SGCZ: variants seen among roughly 807,000 people sequenced by gnomAD.
The protein encoded by SGCZ is zeta-sarcoglycan.
A neutral mutation model predicts 41.3 loss-of-function variants in SGCZ; 40 were observed. The ratio of observed to expected loss-of-function variants is 0.97; its 90% CI spans 0.75 to 1.26. The LOEUF (loss-of-function observed/expected upper bound fraction) is 1.26, where lower values mean the gene tolerates loss of function less well. Among genes scored for constraint, SGCZ ranks in the 50% most tolerant of loss-of-function variants. The probability of loss-of-function intolerance (pLI) is 0.00; values close to 1 mark genes in which losing one functional copy is unlikely to be tolerated. For synonymous variants in SGCZ, 206 were observed against 137.5 expected (o/e 1.50, Z -3.49); for missense variants, 552 against 369.8 (o/e 1.49, Z -4.04).
intron 1 of SGCZ, among the ~76,000 whole-genome samples, chr8:15,229,382 G>A (rs761041923): frequency 2.6e-5 from 4 of 152,110 alleles, no homozygotes; most frequent in Non-Finnish European, 5.9e-5. Context: ...AAAATATTAT[G>A]AGGCTAGGAA....
intron 1 of SGCZ, among the ~76,000 whole-genome samples, chr8:14,872,355 T>C (rs769696567): frequency 1.1e-4 from 16 of 152,132 alleles, no homozygotes; most frequent in Non-Finnish European, 7.4e-5. Context: ...TATCTGTTAC[T>C]TTTCTATTGT....
At chr8:14,633,647 T>C (rs1271502547) in intron 1 of SGCZ, among the ~76,000 whole-genome samples, 1 of 151,814 alleles carries the variant, frequency 6.6e-6, no homozygotes, top group Non-Finnish European at 1.5e-5. Context: ...AGGGAAGTCA[T>C]AACAGATCTT....
chr8:15,047,637 A>T (rs868507820), intron 1 of SGCZ, among the ~76,000 whole-genome samples: 2 of 152,062 alleles, frequency 1.3e-5, no homozygotes, highest in South Asian at 4.1e-4. Flanking sequence ...CAAGGATCTC[A>T]TAATCTATGC....
intron 1 of SGCZ, among the ~76,000 whole-genome samples, chr8:14,708,376 T>C (rs865941147): frequency 6.6e-6 from 1 of 151,980 alleles, no homozygotes; most frequent in Non-Finnish European, 1.5e-5. Context: ...GATTTAATCA[T>C]TAAAACCAAT....
intron 2 of SGCZ, among the ~76,000 whole-genome samples, chr8:14,440,716 CGTATACACGT>C (rs770913285): frequency 1.8e-5 from 1 of 55,120 alleles, no homozygotes; most frequent in Non-Finnish European, 4.4e-5. Flanking sequence ...TATATACATA[CGTATACACGT>C]ATATGTATAT....
chr8:14,226,027 T>G (rs1324338039), intron 4 of SGCZ, among the ~76,000 whole-genome samples: 1 of 152,040 alleles, frequency 6.6e-6, no homozygotes, highest in Non-Finnish European at 1.5e-5. Context: ...GACGATGGTA[T>G]AAGTGATATT....
chr8:14,317,832 A>T (rs1317448338), intron 3 of SGCZ, among the ~76,000 whole-genome samples: 3 of 151,972 alleles, frequency 2.0e-5, no homozygotes, highest in Non-Finnish European at 4.4e-5. Flanking sequence ...CCAAAAATTA[A>T]ATGTAACCAT....
chr8:14,304,318 G>T (rs904513427), intron 3 of SGCZ, among the ~76,000 whole-genome samples: 3 of 151,966 alleles, frequency 2.0e-5, no homozygotes, highest in Non-Finnish European at 4.4e-5. Flanking sequence ...AAAAGGCCAG[G>T]TGTGGTGGTG....
intron 1 of SGCZ, among the ~76,000 whole-genome samples, chr8:14,738,006 C>T (rs764135173): frequency 2.6e-5 from 4 of 151,942 alleles, no homozygotes; most frequent in Admixed American, 6.6e-5. Context: ...AAATAATGAT[C>T]CCAAGTTCAC....
At chr8:14,147,794 G>A (rs1039904403) in intron 5 of SGCZ, among the ~76,000 whole-genome samples, 1 of 152,084 alleles carries the variant, frequency 6.6e-6, no homozygotes, top group South Asian at 2.1e-4. Context: ...ATCAGGGATA[G>A]ACTATATGTT....
At chr8:14,312,380 T>C (rs1225107250) in intron 3 of SGCZ, among the ~76,000 whole-genome samples, 2 of 152,212 alleles carry the variant, frequency 1.3e-5, no homozygotes, top group East Asian at 1.9e-4. Flanking sequence ...GGATTCTATA[T>C]AGCAGTAGTC....
At chr8:15,186,139 G>A (rs1585652218) in intron 1 of SGCZ, among the ~76,000 whole-genome samples, 1 of 150,682 alleles carries the variant, frequency 6.6e-6, no homozygotes, top group East Asian at 1.9e-4. Context: ...GAGGGCGCCT[G>A]TAGTCCCAGC....
Position 14,598,273 on chromosome 8 carries a change from A to G in SGCZ, c.40-43347T>C, listed in dbSNP as rs1268856290. On this transcript the variant is annotated intron_variant, in intron 1 of 7. Coordinates refer to ENST00000382080, the MANE Select transcript of SGCZ (RefSeq NM_139167.4). ...ATGGCCTCTTTGAGTATCTCAATCAATCTAATTATATTTGAATTTAATGTT... is the reference window on the plus strand; with the variant it reads ...ATGGCCTCTTTGAGTATCTCAATCAGTCTAATTATATTTGAATTTAATGTT... 2.6e-5 allele frequency among the ~76,000 whole-genome samples: 4 copies of G among 151,924 alleles called. No individual in the cohort carries two copies. The East Asian group carries it at 5.8e-4, about 22-fold the overall frequency.
At chr8:15,210,065 A>G (rs1323879439) in intron 1 of SGCZ, among the ~76,000 whole-genome samples, 1 of 152,146 alleles carries the variant, frequency 6.6e-6, no homozygotes, top group East Asian at 1.9e-4. Flanking sequence ...CCAAAACATA[A>G]TGCTTCTTAC....
intron 1 of SGCZ, among the ~76,000 whole-genome samples, chr8:14,933,082 A>C (rs979530057): frequency 6.6e-6 from 1 of 151,978 alleles, no homozygotes; most frequent in African/African-American, 2.4e-5. Flanking sequence ...TGAGGGCTGA[A>C]AAACTGTTTT....
intron 1 of SGCZ, among the ~76,000 whole-genome samples, chr8:15,015,910 A>G (rs948839457): frequency 2.6e-5 from 4 of 151,640 alleles, no homozygotes; most frequent in African/African-American, 9.7e-5. Context: ...TGTTGCTTCC[A>G]TATCTCCTTT....
intron 1 of SGCZ, among the ~76,000 whole-genome samples, chr8:15,198,306 A>C (rs919297127): frequency 1.3e-5 from 2 of 151,846 alleles, no homozygotes; most frequent in Non-Finnish European, 2.9e-5. Flanking sequence ...TGTACATTGA[A>C]CTCAAATTTT....
chr8:14,931,554 A>T (rs1046143698), intron 1 of SGCZ, among the ~76,000 whole-genome samples: 4 of 151,946 alleles, frequency 2.6e-5, no homozygotes, highest in South Asian at 4.1e-4. Context: ...TTTTTTAGCA[A>T]CCTGGCTTTT....
chr8:14,309,683 C>T (rs1218807226), intron 3 of SGCZ: 46 of 1,609,898 alleles, frequency 2.9e-5, no homozygotes, highest in Non-Finnish European at 3.6e-5. Flanking sequence ...AAGAAGACAC[C>T]TTCTGAGTAT....
Sources: gnomAD v4.1 joint callset for allele counts (sites outside exome capture counted in the v4.1 genomes callset) on GRCh38, gnomAD v4.1.1 for gene constraint, MANE v1.5 for transcripts, NCBI Gene and HGNC (gene_info 2026-07-23, HGNC 2026-07-21) for gene names.